The following EPN2 variants were observed in gnomAD, a reference collection of about 807,000 sequenced individuals.
EPN2 encodes the protein epsin-2.
A neutral mutation model predicts 61.7 loss-of-function variants in EPN2; 34 were observed. The ratio of observed to expected loss-of-function variants is 0.55; its 90% CI spans 0.42 to 0.73. The LOEUF is 0.73. EPN2 is among the 30% of genes least tolerant of loss of function. The probability of loss-of-function intolerance (pLI) is 0.00; values close to 1 mark genes in which losing one functional copy is unlikely to be tolerated. For missense variants in EPN2, 714 were observed against 839.2 expected, an observed-to-expected ratio of 0.85 and a Z score of 1.84; for synonymous variants, 349 against 353.6, an observed-to-expected ratio of 0.99 and a Z score of 0.15.
chr17:19,258,787 G>C (rs951803977), intron 1 of EPN2, among the ~76,000 whole-genome samples: 2 of 152,188 alleles, frequency 1.3e-5, no homozygotes, highest in Non-Finnish European at 2.9e-5. Flanking sequence ...AAGGTCTCTG[G>C]TTCCCTGCCC....
At chr17:19,240,215 A>C (rs961776114) in intron 1 of EPN2, among the ~76,000 whole-genome samples, 2 of 151,790 alleles carry the variant, frequency 1.3e-5, no homozygotes, top group Non-Finnish European at 2.9e-5. Flanking sequence ...GGTGACCCTG[A>C]GCCTTGGAGA....
At chr17:19,301,042 AGT>A (rs1905483218) in intron 4 of EPN2, among the ~76,000 whole-genome samples, 1 of 152,114 alleles carries the variant, frequency 6.6e-6, no homozygotes, top group South Asian at 2.1e-4. Flanking sequence ...CAGCATACAC[AGT>A]GTGAGGGAGC....
chr17:19,286,474 A>G (rs2045406530), intron 4 of EPN2, among the ~76,000 whole-genome samples: 1 of 152,182 alleles, frequency 6.6e-6, no homozygotes, highest in South Asian at 2.1e-4. Flanking sequence ...GTAGCAGGTT[A>G]AACTGAAAAC....
intron 1 of EPN2, among the ~76,000 whole-genome samples, chr17:19,272,600 G>A (rs556993405): frequency 3.3e-5 from 5 of 152,234 alleles, no homozygotes; most frequent in Middle Eastern, 3.4e-3. Flanking sequence ...CAGAGCGGTC[G>A]CAGCATTGGC....
chr17:19,252,799 C>T (rs1378691016), intron 1 of EPN2, among the ~76,000 whole-genome samples: 2 of 152,202 alleles, frequency 1.3e-5, no homozygotes, highest in Non-Finnish European at 2.9e-5. Context: ...AAGCCATCCT[C>T]CCACCTCAGC....
intron 1 of EPN2, among the ~76,000 whole-genome samples, chr17:19,251,516 C>T (rs1200339118): frequency 6.6e-6 from 1 of 152,120 alleles, no homozygotes; most frequent in African/African-American, 2.4e-5. Context: ...TCACTGCAAC[C>T]TCTGCCTCCC....
intron 1 of EPN2, among the ~76,000 whole-genome samples, chr17:19,257,710 G>GTT (rs2045096503): frequency 6.6e-6 from 1 of 152,036 alleles, no homozygotes; most frequent in Non-Finnish European, 1.5e-5. Flanking sequence ...GTAGAGACAG[G>GTT]TTTTTGCATG....
chr17:19,255,631 A>AT (rs1181008968), intron 1 of EPN2, among the ~76,000 whole-genome samples: 4 of 104,946 alleles, frequency 3.8e-5, no homozygotes, highest in East Asian at 2.9e-4. Context: ...GATTGGATTG[A>AT]TTTTTTTTGA....
chr17:19,273,248 G>T (rs2045273230), intron 1 of EPN2: 1 of 152,184 alleles, frequency 6.6e-6, no homozygotes, highest in African/African-American at 2.4e-5. Flanking sequence ...TGGCCATTCT[G>T]TGGGTCTGCT....
In EPN2 at chr17:19,283,384, T is replaced by G. The variant is rs1391417395; in HGVS notation, c.265T>G (p.Ser89Ala). The stretch of plus-strand genomic sequence containing the variant: ...GCTGGACTACCTCATCAAGACAGGC[T>G]CCGAACGTGTGGCCCAGCAGTGCCG... ...TLLDYLIKTG[S>A]ERVAQQCREN... Residue 89 changes from serine to alanine, a missense_variant, in exon 3 of 11, where the codon TCC becomes GCC. Ser to Ala is a moderately conservative substitution (Grantham distance 99). This residue lies in a region of EPN2 where 304 missense variants were observed against 417.4 expected (regional missense o/e 0.73). Transcript: ENST00000314728. The surrounding 1 kb of genome is among the most constrained non-coding windows in gnomAD (Gnocchi z 7.0). 2 of 1,614,114 alleles carry G rather than the reference T, an allele frequency of 1.2e-6. No homozygotes were observed. Among genetic ancestry groups the G allele is most frequent in the Non-Finnish European group, 1.7e-6 (2 of 1,180,020 alleles).
At chr17:19,278,634 T>A (rs1209176612) in intron 1 of EPN2, among the ~76,000 whole-genome samples, 1 of 152,124 alleles carries the variant, frequency 6.6e-6, no homozygotes, top group Non-Finnish European at 1.5e-5. Flanking sequence ...AACCAAACCA[T>A]GTCATGAAGA....
intron 1 of EPN2, among the ~76,000 whole-genome samples, chr17:19,245,096 T>A: frequency 6.6e-6 from 1 of 152,172 alleles, no homozygotes; most frequent in South Asian, 2.1e-4. Flanking sequence ...CACACCTGTC[T>A]GATTTTGGAG....
intron 1 of EPN2, among the ~76,000 whole-genome samples, chr17:19,264,048 C>T (rs755464485): frequency 3.3e-5 from 5 of 152,168 alleles, no homozygotes; most frequent in African/African-American, 9.7e-5. Flanking sequence ...GATCTGCACA[C>T]GCACCCAGTT....
intron 4 of EPN2, 148 bp from the exon 5 acceptor site, chr17:19,309,737 C>A: frequency 1.5e-6 from 1 of 651,902 alleles, no homozygotes. Flanking sequence ...ATTTGTAAGC[C>A]TTTCCTTTCC....
At chr17:19,280,848 T>G (rs1176203022) in intron 1 of EPN2, among the ~76,000 whole-genome samples, 1 of 152,078 alleles carries the variant, frequency 6.6e-6, no homozygotes, top group East Asian at 1.9e-4. Context: ...ACAAGAACAC[T>G]CCCTTCTTCC....
At chr17:19,276,961 A>G (rs971598246) in intron 1 of EPN2, among the ~76,000 whole-genome samples, 1 of 152,130 alleles carries the variant, frequency 6.6e-6, no homozygotes, top group African/African-American at 2.4e-5. Flanking sequence ...GAAGGTAACA[A>G]ATGATCCTGT....
At chr17:19,256,182 C>A (rs2045076675) in intron 1 of EPN2, among the ~76,000 whole-genome samples, 1 of 151,982 alleles carries the variant, frequency 6.6e-6, no homozygotes, top group Non-Finnish European at 1.5e-5. Flanking sequence ...CGTGATTTGC[C>A]CACCTTGGCC....
At chr17:19,327,007 T>C (rs140324375) in intron 7 of EPN2, among the ~76,000 whole-genome samples, 183 of 152,212 alleles carry the variant, frequency 1.2e-3, no homozygotes, top group African/African-American at 4.3e-3. Context: ...GCCCACCAGA[T>C]TGGCACACAT....
chr17:19,281,364 A>T (rs1377695400), intron 1 of EPN2, among the ~76,000 whole-genome samples: 1 of 152,210 alleles, frequency 6.6e-6, no homozygotes, highest in Non-Finnish European at 1.5e-5. Context: ...TTAGGTTTGG[A>T]ATCCCTGCCA....
Sources: allele counts gnomAD v4.1 joint callset (sites outside exome capture counted in the v4.1 genomes callset), GRCh38; gene constraint gnomAD v4.1.1; regional missense constraint gnomAD v4.1.1; non-coding constraint Gnocchi (gnomAD v3.1); transcripts MANE v1.5; gene names NCBI Gene and HGNC (gene_info 2026-07-23, HGNC 2026-07-21).